EIF2AK1: variants seen among roughly 807,000 people sequenced by gnomAD.
EIF2AK1 encodes the protein eukaryotic translation initiation factor 2-alpha kinase 1.
Under a neutral mutation model 77.9 loss-of-function variants are expected in EIF2AK1, and 54 were observed. The observed-to-expected ratio is 0.69, with a 90% confidence interval of 0.56 to 0.87. The LOEUF is 0.87. EIF2AK1 is among the 40% of genes least tolerant of loss of function. The probability of loss-of-function intolerance (pLI) is 0.00; values close to 1 mark genes in which losing one functional copy is unlikely to be tolerated. For missense variants in EIF2AK1, 810 were observed against 768.6 expected, an observed-to-expected ratio of 1.05 and a Z score of -0.64; for synonymous variants, 314 against 290.5, an observed-to-expected ratio of 1.08 and a Z score of -0.82.
At position 6,027,232 on chromosome 7, in the gene EIF2AK1, C is replaced by T. The variant is rs1466052018; in HGVS notation, c.1531-271G>A. Among the ~76,000 whole-genome samples, 2 of 152,200 alleles carry T rather than the reference C, an allele frequency of 1.3e-5. No individual in the cohort carries two copies. The highest frequency in any genetic ancestry group is 2.1e-4 in the South Asian group (1 of 4,830). The stretch of plus-strand genomic sequence containing the variant: ...GCAGTCACGACCATACAACTGTCTT[C>T]AGCACCCCTTAACAATCCAGGCCTG... On this transcript the variant is annotated intron_variant, in intron 13 of 14. Coordinates refer to ENST00000199389, the MANE Select transcript of EIF2AK1 (RefSeq NM_014413.4). This position sits in a 1 kb window ranked among gnomAD's most constrained non-coding sequence, Gnocchi z 4.5.
chr7:6,037,671 TA>T, intron 10 of EIF2AK1, 147 bp from the exon 11 acceptor site: 1 of 641,070 alleles, frequency 1.6e-6, no homozygotes, highest in Non-Finnish European at 2.7e-6. Context: ...CAGAATGGTC[TA>T]AAACCTAGAA....
intron 14 of EIF2AK1, among the ~76,000 whole-genome samples, chr7:6,025,255 A>T (rs61170917): frequency 6.6e-6 from 1 of 152,206 alleles, no homozygotes; most frequent in Non-Finnish European, 1.5e-5. Flanking sequence ...TCCCCTTCAT[A>T]TATGAAGATA....
In EIF2AK1 at chr7:6,024,040, T is replaced by A. The variant is rs1424909903; in HGVS notation, c.*633A>T. On this transcript the variant is annotated 3_prime_UTR_variant, in exon 15 of 15. Transcript: ENST00000199389. ...GTGCAGGGCAAAGGCAGGAAAGAGA[T>A]CTGAGCTGCCTGGAGATCATCTGGG... 1.5e-6 allele frequency: 2 copies of A among 1,315,342 alleles called. No homozygotes were observed. The highest frequency in any genetic ancestry group is 3.0e-5 in the African/African-American group (2 of 66,968). 81.5% of individuals were successfully genotyped at this position (1,315,342 alleles called of 1,614,324 possible). A position where few individuals can be genotyped will look rare whatever the true frequency, so the allele number is the denominator to read the frequency against.
At chr7:6,028,165 G>C in intron 13 of EIF2AK1, 1 of 326,018 alleles carries the variant, frequency 3.1e-6, no homozygotes, top group South Asian at 2.4e-5. Context: ...TTCTTCTTAG[G>C]ACAGTTTGAT....
chr7:6,028,947 T>C lies in EIF2AK1; in HGVS notation c.1418A>G (p.Asn473Ser). Residue 473 changes from asparagine to serine, a missense_variant, in exon 12 of 15, where the codon AAC (asparagine) becomes AGC (serine). By Grantham distance (46) the Asn-to-Ser change is conservative. Coordinates refer to ENST00000199389, the MANE Select transcript of EIF2AK1 (RefSeq NM_014413.4). ...CCCGTTTCTGTTGGTCCAGTCTGTG[T>C]TCTTCTGTAGGATGTCTGTGCAGGC... The part of the protein sequence containing the change: ...GLACTDILQK[N>S]TDWTNRNGKR... 6.2e-7 allele frequency: 1 copy of C among 1,609,744 alleles called. No individual in the cohort carries two copies. Among genetic ancestry groups the C allele is most frequent in the Non-Finnish European group, 8.5e-7 (1 of 1,179,104 alleles).
In EIF2AK1 at chr7:6,050,245, G is replaced by C. The variant is rs190718285; in HGVS notation, c.278-200C>G. ...AAGAAATTTTTTTTTGAGACAGAGA[G>C]TGCAGTGACAACTATCTTGGCTCAC... On this transcript the variant is annotated intron_variant, in intron 2 of 14. Coordinates refer to ENST00000199389, the MANE Select transcript of EIF2AK1 (RefSeq NM_014413.4). Among the ~76,000 whole-genome samples, 68 of 152,282 alleles carry C rather than the reference G, an allele frequency of 4.5e-4. 2 individuals are homozygous for C. The East Asian group carries it at 0.01, about 23-fold the overall frequency.
chr7:6,041,173 T>C lies in EIF2AK1; in HGVS notation c.838A>G (p.Ile280Val). 3 of 1,613,390 alleles carry C rather than the reference T, an allele frequency of 1.9e-6. No individual in the cohort carries two copies. Among genetic ancestry groups the C allele is most frequent in the Non-Finnish European group, 2.5e-6 (3 of 1,179,954 alleles). Reference sequence around the variant, plus strand: ...TTTTCTGGGGTGGGCTCAGCAAAGATAATGGATGAGCTGCTACTTTCATCA... The same window carrying C: ...TTTTCTGGGGTGGGCTCAGCAAAGACAATGGATGAGCTGCTACTTTCATCA... ...KNDESSSSSIIFAEPTPEKEK... is the reference protein window; with the variant it reads ...KNDESSSSSIVFAEPTPEKEK... The change falls in exon 9 of 15, where the codon ATC becomes GTC. Residue 280 changes from isoleucine to valine, a missense_variant. Physicochemically the swap from Ile to Val is conservative, Grantham distance 29. Coordinates refer to ENST00000199389, the MANE Select transcript of EIF2AK1 (RefSeq NM_014413.4).
At chr7:6,058,245 G>GAA in intron 1 of EIF2AK1, 1 of 412,872 alleles carries the variant, frequency 2.4e-6, no homozygotes, top group South Asian at 1.7e-5. Flanking sequence ...CCACATCTCT[G>GAA]CAAAAAAAAA....
At chr7:6,047,829 G>C (rs1788490327) in intron 4 of EIF2AK1, 1 of 152,252 alleles carries the variant, frequency 6.6e-6, no homozygotes, top group African/African-American at 2.4e-5. Context: ...TTTCCAACCT[G>C]GGCTAGTTCA....
intron 1 of EIF2AK1, 57 bp downstream of exon 1, chr7:6,058,909 C>A: frequency 1.4e-6 from 2 of 1,431,574 alleles, no homozygotes; most frequent in Non-Finnish European, 1.9e-6. Flanking sequence ...CTTTGCCGCC[C>A]AGAAACGCAG....
At position 6,046,825 on chromosome 7, in the gene EIF2AK1, CA is replaced by C. The variant is rs1293150573; in HGVS notation, c.549+166del. 1.3e-5 allele frequency: 7 copies of C among 540,546 alleles called. No homozygotes were observed. The Admixed American group carries it at 1.8e-4, about 14-fold the overall frequency. 33.5% of individuals were successfully genotyped at this position (540,546 alleles called of 1,614,324 possible). A position where few individuals can be genotyped will look rare whatever the true frequency, so the allele number is the denominator to read the frequency against. The stretch of plus-strand genomic sequence containing the variant: ...GCTGAGGCAGAAGAATCGCTTGAAC[CA>C]GGGAGTCAGAGGTTGCAGTGAGCTG... On this transcript the variant is annotated intron_variant, in intron 5 of 14. Coordinates refer to ENST00000199389, the MANE Select transcript of EIF2AK1 (RefSeq NM_014413.4).
intron 5 of EIF2AK1, 176 bp from the exon 6 acceptor site, chr7:6,046,327 G>C: frequency 2.7e-6 from 1 of 373,824 alleles, no homozygotes; most frequent in Non-Finnish European, 4.8e-6. Context: ...TTTTCAGATA[G>C]TGTTGGAAGT....
chr7:6,053,507 G>A (rs1788664661), intron 2 of EIF2AK1, among the ~76,000 whole-genome samples: 1 of 151,472 alleles, frequency 6.6e-6, no homozygotes, highest in South Asian at 2.1e-4. Flanking sequence ...TGGGATTACA[G>A]GTGCCCGCCA....
In EIF2AK1 at chr7:6,023,023, G is replaced by A. The variant is rs1254285875; in HGVS notation, c.*1650C>T. ...TCAGCCCCCAAAACCTTAGGCAGCAGGGATTGGAGCAGGTGGTCTGAGGTC... is the reference window on the plus strand; with the variant it reads ...TCAGCCCCCAAAACCTTAGGCAGCAAGGATTGGAGCAGGTGGTCTGAGGTC... On this transcript the variant is annotated 3_prime_UTR_variant, in exon 15 of 15. Coordinates refer to ENST00000199389, the MANE Select transcript of EIF2AK1 (RefSeq NM_014413.4). The A allele has an allele frequency of 2.9e-6, 1 of 343,846 alleles. No individual in the cohort carries two copies. The highest frequency in any genetic ancestry group is 5.3e-6 in the Non-Finnish European group (1 of 190,410). The allele number at this position is 343,846 out of a possible 1,614,324, so 21.3% of individuals were successfully genotyped here. A position where few individuals can be genotyped will look rare whatever the true frequency, so the allele number is the denominator to read the frequency against.
intron 1 of EIF2AK1, among the ~76,000 whole-genome samples, chr7:6,055,695 A>C (rs1160561233): frequency 4.2e-5 from 6 of 143,538 alleles, no homozygotes; most frequent in Non-Finnish European, 6.1e-5. Context: ...AAAAAAAAAA[A>C]CCTAGCTGGG....
intron 10 of EIF2AK1, 23 bp downstream of exon 10, chr7:6,038,537 C>G (rs765811138): frequency 6.3e-7 from 1 of 1,588,750 alleles, no homozygotes; most frequent in Non-Finnish European, 8.6e-7. Context: ...TTTCCCGGCC[C>G]GGCAGACCCA....
chr7:6,053,948 A>G (rs1249995212), intron 2 of EIF2AK1, among the ~76,000 whole-genome samples: 2 of 151,920 alleles, frequency 1.3e-5, no homozygotes, highest in Non-Finnish European at 2.9e-5. Flanking sequence ...CTGGGATTAC[A>G]GGCATGAGCC....
Position 6,035,856 on chromosome 7 carries a change from G to C in EIF2AK1, c.1332+1568C>G, listed in dbSNP as rs1226178014. 6.5e-7 allele frequency: 1 copy of C among 1,548,284 alleles called. No individual in the cohort carries two copies. The highest frequency in any genetic ancestry group is 2.0e-5 in the Admixed American group (1 of 50,862). On this transcript the variant is annotated intron_variant, in intron 11 of 14. Coordinates refer to ENST00000199389, the MANE Select transcript of EIF2AK1 (RefSeq NM_014413.4). This position sits in a 1 kb window ranked among gnomAD's most constrained non-coding sequence, Gnocchi z 5.5. ...GGGGAACACGCCCCTGAAGCTTGCA[G>C]TGTGCACTGCATCAAGCAAAGCAGG...
chr7:6,024,266 G>C lies in EIF2AK1; in HGVS notation c.*407C>G. On this transcript the variant is annotated 3_prime_UTR_variant, in exon 15 of 15. Coordinates refer to ENST00000199389, the MANE Select transcript of EIF2AK1 (RefSeq NM_014413.4). ...AGGTAATGAACTTCAGCTGCAGTGT[G>C]AAAGGGGCAGGAAGACTGGCAGCTG... 8.2e-7 allele frequency: 1 copy of C among 1,214,394 alleles called. No individual in the cohort carries two copies. The highest frequency in any genetic ancestry group is 1.6e-5 in the African/African-American group (1 of 63,558). 75.2% of individuals were successfully genotyped at this position (1,214,394 alleles called of 1,614,324 possible).
Sources: gnomAD v4.1 joint callset for allele counts (sites outside exome capture counted in the v4.1 genomes callset) on GRCh38, gnomAD v4.1.1 for gene constraint, Gnocchi (gnomAD v3.1) non-coding constraint, MANE v1.5 for transcripts, NCBI Gene and HGNC (gene_info 2026-07-23, HGNC 2026-07-21) for gene names.